The following CDKAL1 variants were observed in gnomAD, a reference collection of about 807,000 sequenced individuals.
The protein encoded by CDKAL1 is threonylcarbamoyladenosine tRNA methylthiotransferase.
A neutral mutation model predicts 68.2 loss-of-function variants in CDKAL1; 32 were observed. That is an observed-to-expected ratio of 0.47 (90% CI 0.35 to 0.63). The LOEUF is 0.63. Ranked by LOEUF, CDKAL1 falls within the 30% of genes least tolerant of loss-of-function variation. The pLI, the probability that CDKAL1 is intolerant of heterozygous loss-of-function variation, is 0.00. For missense variants in CDKAL1, 606 were observed against 696.7 expected (o/e 0.87, Z 1.47); for synonymous variants, 234 against 244.3 (o/e 0.96, Z 0.39).
intron 8 of CDKAL1, among the ~76,000 whole-genome samples, chr6:20,834,038 C>T (rs1048162472): frequency 6.6e-6 from 1 of 152,184 alleles, no homozygotes; most frequent in African/African-American, 2.4e-5. Flanking sequence ...GATGCGTTCT[C>T]TAAGAATCAT....
intron 5 of CDKAL1, among the ~76,000 whole-genome samples, chr6:20,701,344 G>C (rs1253234707): frequency 2.1e-5 from 3 of 140,344 alleles, no homozygotes; most frequent in Non-Finnish European, 4.6e-5. Context: ...TAGCTTTCTT[G>C]GAAAAACCGA....
chr6:20,754,075 GC>G (rs1402845029), intron 6 of CDKAL1, among the ~76,000 whole-genome samples: 1 of 151,946 alleles, frequency 6.6e-6, no homozygotes, highest in Non-Finnish European at 1.5e-5. Flanking sequence ...GAACTCCTGG[GC>G]TCAAGCGGTC....
chr6:20,954,178 T>C (rs892472697), intron 9 of CDKAL1, among the ~76,000 whole-genome samples: 6 of 152,178 alleles, frequency 3.9e-5, no homozygotes, highest in Non-Finnish European at 7.3e-5. Flanking sequence ...TGGAAATCTT[T>C]TTGCTGTGTT....
chr6:20,920,949 C>T (rs1413877855), intron 9 of CDKAL1, among the ~76,000 whole-genome samples: 1 of 151,964 alleles, frequency 6.6e-6, no homozygotes, highest in South Asian at 2.1e-4. Flanking sequence ...TCAGATGGTT[C>T]TGATGGTTAA....
intron 4 of CDKAL1, among the ~76,000 whole-genome samples, chr6:20,600,784 A>ATATATATATATATATG (rs1561956275): frequency 6.7e-6 from 1 of 148,364 alleles, no homozygotes; most frequent in Admixed American, 6.8e-5. Flanking sequence ...ATATATATAT[A>ATATATATATATATATG]TATACACACA....
chr6:20,850,559 T>C (rs559453217), intron 9 of CDKAL1, among the ~76,000 whole-genome samples: 1 of 152,226 alleles, frequency 6.6e-6, no homozygotes, highest in East Asian at 1.9e-4. Context: ...CACCTCAGCC[T>C]CCTGAGTAGC....
At chr6:20,827,749 G>A (rs1777558444) in intron 8 of CDKAL1, among the ~76,000 whole-genome samples, 1 of 152,122 alleles carries the variant, frequency 6.6e-6, no homozygotes. Flanking sequence ...CAATGAGGTA[G>A]TATAAAGTCC....
intron 4 of CDKAL1, among the ~76,000 whole-genome samples, chr6:20,557,280 T>A (rs573480785): frequency 1.3e-5 from 2 of 152,130 alleles, no homozygotes; most frequent in East Asian, 3.9e-4. Context: ...CTGTTGTTAA[T>A]ATCTTAAGGT....
chr6:20,906,954 A>G (rs907139663), intron 9 of CDKAL1, among the ~76,000 whole-genome samples: 21 of 152,260 alleles, frequency 1.4e-4, no homozygotes, highest in African/African-American at 5.1e-4. Flanking sequence ...TATATAACAC[A>G]TTATGCAATT....
intron 6 of CDKAL1, among the ~76,000 whole-genome samples, chr6:20,739,818 T>C (rs1773366897): frequency 6.6e-6 from 1 of 152,218 alleles, no homozygotes; most frequent in South Asian, 2.1e-4. Flanking sequence ...TTAGTTTCTC[T>C]CATTAAGAAA....
chr6:20,943,119 G>A (rs950708002), intron 9 of CDKAL1, among the ~76,000 whole-genome samples: 2 of 150,768 alleles, frequency 1.3e-5, no homozygotes, highest in East Asian at 1.9e-4. Flanking sequence ...GAGTAGTGCT[G>A]GTATTGAGTT....
chr6:21,175,876 A>G (rs1279933766), intron 13 of CDKAL1, among the ~76,000 whole-genome samples: 1 of 152,254 alleles, frequency 6.6e-6, no homozygotes, highest in African/African-American at 2.4e-5. Context: ...AAGCATTTGT[A>G]ACATTACTTT....
rs572844267 is a variant in CDKAL1 at position 20,601,445 on chromosome 6, G to T, written c.287-47848G>T. ...GTTTTAACAAAAGTTTTTCTTGTGG[G>T]CATGGGAATGGTAAGTAGTGATTAA... On this transcript the variant is annotated intron_variant, in intron 4 of 15. Coordinates refer to ENST00000274695, the MANE Select transcript of CDKAL1 (RefSeq NM_017774.3). Among the ~76,000 whole-genome samples, 311 of 152,196 alleles carry T rather than the reference G, an allele frequency of 2.0e-3. 1 individual carries two copies. Among genetic ancestry groups the T allele is most frequent in the African/African-American group, 6.8e-3 (284 of 41,528 alleles).
intron 5 of CDKAL1, among the ~76,000 whole-genome samples, chr6:20,657,066 C>T (rs190285758): frequency 2.5e-4 from 38 of 152,256 alleles, no homozygotes; most frequent in Admixed American, 1.9e-3. Context: ...TAAAATCTTT[C>T]AGTGATGGAT....
At chr6:20,961,040 A>C (rs1195032169) in intron 10 of CDKAL1, among the ~76,000 whole-genome samples, 5 of 152,336 alleles carry the variant, frequency 3.3e-5, no homozygotes, top group Admixed American at 6.5e-5. Context: ...TCTTGGTTTT[A>C]GTTTCGTGAA....
At chr6:21,154,511 T>G (rs1562076626) in intron 13 of CDKAL1, among the ~76,000 whole-genome samples, 1 of 152,228 alleles carries the variant, frequency 6.6e-6, no homozygotes, top group African/African-American at 2.4e-5. Flanking sequence ...ATCCTTATAC[T>G]TTTGCTCCTT....
intron 13 of CDKAL1, among the ~76,000 whole-genome samples, chr6:21,176,764 G>A (rs1228157112): frequency 7.3e-6 from 1 of 137,928 alleles, no homozygotes; most frequent in Admixed American, 8.3e-5. Context: ...GCACGATCTT[G>A]GCTCAGCGCA....
intron 13 of CDKAL1, among the ~76,000 whole-genome samples, chr6:21,187,999 T>C (rs1161350267): frequency 6.6e-6 from 1 of 152,226 alleles, no homozygotes; most frequent in East Asian, 1.9e-4. Context: ...TAAGTGAAAC[T>C]TTTTTCACAT....
chr6:20,690,201 T>C (rs1428631262), intron 5 of CDKAL1, among the ~76,000 whole-genome samples: 1 of 152,244 alleles, frequency 6.6e-6, no homozygotes, highest in Non-Finnish European at 1.5e-5. Context: ...GGTAATTTTT[T>C]AAATGGCTAT....
Sources: allele counts gnomAD v4.1 joint callset (sites outside exome capture counted in the v4.1 genomes callset), GRCh38; gene constraint gnomAD v4.1.1; transcripts MANE v1.5; gene names NCBI Gene and HGNC (gene_info 2026-07-23, HGNC 2026-07-21).